The following RIMS3 variants were observed in gnomAD, a reference collection of about 807,000 sequenced individuals.
The protein encoded by RIMS3 is regulating synaptic membrane exocytosis 3.
In RIMS3, 15 loss-of-function variants were observed where a neutral mutation model predicts 29.2. That is an observed-to-expected ratio of 0.51 (90% CI 0.34 to 0.79). The LOEUF is 0.79. Among genes scored for constraint, RIMS3 ranks in the 30% least tolerant of loss-of-function variants. The pLI, the probability that RIMS3 is intolerant of heterozygous loss-of-function variation, is 0.01. For synonymous variants in RIMS3, 161 were observed against 170.1 expected (o/e 0.95, Z 0.41); for missense variants, 342 against 421.4 (o/e 0.81, Z 1.65).
chr1:40,637,939 C>A (rs966319001), intron 3 of RIMS3, among the ~76,000 whole-genome samples: 4 of 152,192 alleles, frequency 2.6e-5, no homozygotes, highest in Non-Finnish European at 4.4e-5. Context: ...GCCTTCATAT[C>A]TCTACCCCAC....
Position 40,625,997 on chromosome 1 carries a change from G to A in RIMS3, c.*520C>T, listed in dbSNP as rs553264265. 11 of 175,848 alleles carry A rather than the reference G, an allele frequency of 6.3e-5. No individual in the cohort carries two copies. The highest frequency in any genetic ancestry group is 1.4e-4 in the African/African-American group (6 of 42,188). The allele number at this position is 175,848 out of a possible 1,614,324, so 10.9% of individuals were successfully genotyped here. On this transcript the variant is annotated 3_prime_UTR_variant, in exon 8 of 8. Coordinates refer to ENST00000372684, the MANE Select transcript of RIMS3 (RefSeq NM_014747.3). ...GGCCCTCAGTGTGGCCAGCTGCAGC[G>A]GATGCTACATTTCTCAGAAAACAGT...
intron 1 of RIMS3, among the ~76,000 whole-genome samples, chr1:40,649,576 C>T (rs573759002): frequency 1.3e-5 from 2 of 152,356 alleles, no homozygotes; most frequent in South Asian, 2.1e-4. Flanking sequence ...AGCTTGAACA[C>T]GTGCACAAGG....
At chr1:40,655,356 C>T (rs764033493) in intron 1 of RIMS3, among the ~76,000 whole-genome samples, 1 of 152,034 alleles carries the variant, frequency 6.6e-6, no homozygotes, top group East Asian at 1.9e-4. Context: ...CCCTACTCCC[C>T]CCAGGAGGTC....
upstream of RIMS3, among the ~76,000 whole-genome samples, chr1:40,668,497 G>GT (rs1570215229): frequency 7.5e-6 from 1 of 133,886 alleles, no homozygotes; most frequent in Admixed American, 7.5e-5. Context: ...TGGGCGGGGG[G>GT]GGGGGGGTTG....
intron 1 of RIMS3, among the ~76,000 whole-genome samples, chr1:40,657,276 G>T (rs1309332751): frequency 6.6e-6 from 1 of 152,136 alleles, no homozygotes; most frequent in Non-Finnish European, 1.5e-5. Flanking sequence ...TCCACAGTTG[G>T]CAGCCCTTGC....
At chr1:40,651,592 A>G (rs2148356024) in intron 1 of RIMS3, among the ~76,000 whole-genome samples, 1 of 152,122 alleles carries the variant, frequency 6.6e-6, no homozygotes, top group East Asian at 1.9e-4. Flanking sequence ...TGTCTCCCAC[A>G]CCCCGCCCCC....
intron 7 of RIMS3, 33 bp from the exon 8 acceptor site, chr1:40,626,762 A>G: frequency 6.3e-7 from 1 of 1,579,036 alleles, no homozygotes. Flanking sequence ...GGAGTGAGCC[A>G]CCTCCCTGAC....
At chr1:40,671,757 CTTTTTTT>C in the RIMS3 span, among the ~76,000 whole-genome samples, 28 of 130,306 alleles carry the variant, frequency 2.1e-4, no homozygotes, top group Middle Eastern at 8.3e-3. Context: ...CCTTTCTTTT[CTTTTTTT>C]TTTTTTTTTT....
Position 40,624,914 on chromosome 1 carries a change from T to A in RIMS3, c.*1603A>T, listed in dbSNP as rs1646444294. On this transcript the variant is annotated 3_prime_UTR_variant, in exon 8 of 8. Transcript: ENST00000372684. ...CCACAGCCATTTCAGCACCTGGGGA[T>A]AATGCCTGGAGAGAGGTGGAAAGAG... 1 of 152,622 alleles carries A rather than the reference T, an allele frequency of 6.6e-6. No individual in the cohort carries two copies. The highest frequency in any genetic ancestry group is 6.5e-5 in the Admixed American group (1 of 15,278). The allele number at this position is 152,622 out of a possible 1,614,324, so 9.5% of individuals were successfully genotyped here.
chr1:40,673,079 C>G, the RIMS3 span, among the ~76,000 whole-genome samples: 2 of 151,638 alleles, frequency 1.3e-5, no homozygotes, highest in African/African-American at 4.8e-5. Context: ...ACTTGGGAGG[C>G]TGAAGCAAGA....
chr1:40,674,095 A>C, the RIMS3 span, among the ~76,000 whole-genome samples: 6 of 152,240 alleles, frequency 3.9e-5, no homozygotes, highest in East Asian at 9.6e-4. Flanking sequence ...CTTCTTCTAA[A>C]GTGCTCATGT....
At chr1:40,660,389 T>C (rs894954674) in intron 1 of RIMS3, among the ~76,000 whole-genome samples, 6 of 151,186 alleles carry the variant, frequency 4.0e-5, no homozygotes, top group African/African-American at 1.5e-4. Context: ...TTTTTTTTTT[T>C]TTTTTTGAGA....
chr1:40,671,784 T>C, the RIMS3 span, among the ~76,000 whole-genome samples: 1 of 144,310 alleles, frequency 6.9e-6, no homozygotes, highest in Non-Finnish European at 1.5e-5. Context: ...TTTGATGGAG[T>C]CTCACTCTGT....
At position 40,635,899 on chromosome 1, in the gene RIMS3, C is replaced by T. The variant is rs775727535; in HGVS notation, c.359+17G>A. 1.2e-5 allele frequency: 20 copies of T among 1,611,540 alleles called. No individual in the cohort carries two copies. Among genetic ancestry groups the T allele is most frequent in the East Asian group, 8.9e-5 (4 of 44,884 alleles). On this transcript the variant is annotated intron_variant, in intron 4 of 7. Transcript: ENST00000372684. This position sits in a 1 kb window ranked among gnomAD's most constrained non-coding sequence, Gnocchi z 4.1. ...CCGAGGAGGAGGGAGGGGACCACAG[C>T]ACGGGGCTGCACGCACGTGCCGTCG...
chr1:40,690,219 A>G, the RIMS3 span, among the ~76,000 whole-genome samples: 1,630 of 152,314 alleles, frequency 0.011, 25 homozygotes, highest in African/African-American at 0.037. Flanking sequence ...AGTATATGCA[A>G]TAAGTACTCA....
intron 1 of RIMS3, among the ~76,000 whole-genome samples, chr1:40,660,659 C>T (rs1642339582): frequency 6.6e-6 from 1 of 152,034 alleles, no homozygotes; most frequent in South Asian, 2.1e-4. Flanking sequence ...GGATTACCAG[C>T]ACTTTGAGGA....
chr1:40,668,070 G>T (rs1255364757), upstream of RIMS3, among the ~76,000 whole-genome samples: 1 of 152,086 alleles, frequency 6.6e-6, no homozygotes, highest in Non-Finnish European at 1.5e-5. Context: ...AGCCAACATG[G>T]TGAAACCCTG....
At chr1:40,646,838 C>T (rs926185791) in intron 2 of RIMS3, among the ~76,000 whole-genome samples, 1 of 152,130 alleles carries the variant, frequency 6.6e-6, no homozygotes, top group African/African-American at 2.4e-5. Flanking sequence ...TACCAGGCTA[C>T]CCTGGGCCCC....
At chr1:40,670,604 A>ATATATATATATATATATG (rs1642481746), upstream of RIMS3, among the ~76,000 whole-genome samples, 1 of 132,386 alleles carries the variant, frequency 7.6e-6, no homozygotes, top group Non-Finnish European at 1.6e-5. Flanking sequence ...ATATATATAT[A>ATATATATATATATATATG]TATATTTGAG....
Sources: gnomAD v4.1 joint callset for allele counts (sites outside exome capture counted in the v4.1 genomes callset) on GRCh38, gnomAD v4.1.1 for gene constraint, Gnocchi (gnomAD v3.1) non-coding constraint, MANE v1.5 for transcripts, NCBI Gene and HGNC (gene_info 2026-07-23, HGNC 2026-07-21) for gene names.